Variants in KAZN observed in about 807,000 individuals in gnomAD.
KAZN encodes the protein kazrin, periplakin interacting protein.
Under a neutral mutation model 87.4 loss-of-function variants are expected in KAZN, and 40 were observed. The ratio of observed to expected loss-of-function variants is 0.46; its 90% CI spans 0.36 to 0.60. KAZN has a LOEUF of 0.60. KAZN is among the 20% of genes least tolerant of loss of function. The pLI, the probability that KAZN is intolerant of heterozygous loss-of-function variation, is 0.00. For synonymous variants in KAZN, 466 were observed against 458.3 expected, an observed-to-expected ratio of 1.02 and a Z score of -0.22; for missense variants, 898 against 1,073.9, an observed-to-expected ratio of 0.84 and a Z score of 2.29.
At chr1:14,379,179 C>T (rs962317688) in intron 2 of KAZN, among the ~76,000 whole-genome samples, 14 of 151,204 alleles carry the variant, frequency 9.3e-5, no homozygotes, top group South Asian at 6.3e-4. Flanking sequence ...ATGCAGTCCT[C>T]GTAGGACCCA....
At chr1:14,592,398 G>T (rs1335649262) in intron 2 of KAZN, among the ~76,000 whole-genome samples, 4 of 152,166 alleles carry the variant, frequency 2.6e-5, no homozygotes, top group Non-Finnish European at 5.9e-5. Flanking sequence ...TGGGCATCTG[G>T]GTGTCTGGAC....
At chr1:14,821,163 T>C (rs915008831) in intron 1 of KAZN, among the ~76,000 whole-genome samples, 2 of 152,152 alleles carry the variant, frequency 1.3e-5, no homozygotes, top group Non-Finnish European at 2.9e-5. Flanking sequence ...AGTTGTATCC[T>C]CTTAAAATTC....
At chr1:14,269,426 A>G (rs1651752172) in intron 2 of KAZN, among the ~76,000 whole-genome samples, 1 of 152,190 alleles carries the variant, frequency 6.6e-6, no homozygotes, top group South Asian at 2.1e-4. Context: ...AATATTTTTC[A>G]AAGAAAATAG....
At position 14,678,024 on chromosome 1, in the gene KAZN, G is replaced by A. The variant is rs147399384; in HGVS notation, c.226+78801G>A. The stretch of plus-strand genomic sequence containing the variant: ...CCAGAATTGGGAGTGACTGTCTGGT[G>A]TGGCAGAAGGGACTGAGAGGCAAGG... On this transcript the variant is annotated intron_variant, in intron 1 of 14. Transcript: ENST00000376030. 6.6e-3 allele frequency among the ~76,000 whole-genome samples: 1,000 copies of A among 152,334 alleles called. 9 individuals are homozygous for A. The highest frequency in any genetic ancestry group is 0.023 in the African/African-American group (966 of 41,574).
At chr1:15,101,420 C>T in intron 10 of KAZN, 123 bp from the exon 11 acceptor site, 1 of 673,768 alleles carries the variant, frequency 1.5e-6, no homozygotes, top group Non-Finnish European at 2.6e-6. Flanking sequence ...CTCTGTGGCT[C>T]TCTTGGTCCT....
At chr1:14,762,097 A>G (rs557068695) in intron 1 of KAZN, among the ~76,000 whole-genome samples, 2 of 152,270 alleles carry the variant, frequency 1.3e-5, no homozygotes, top group Admixed American at 1.3e-4. Context: ...CTGTGTCCTC[A>G]GGATGACGGT....
intron 2 of KAZN, among the ~76,000 whole-genome samples, chr1:14,552,308 C>G (rs1197540114): frequency 6.6e-6 from 1 of 152,190 alleles, no homozygotes. Context: ...GCTAGCAGAG[C>G]CTCCCTGCAG....
intron 1 of KAZN, among the ~76,000 whole-genome samples, chr1:14,883,320 G>GACAGAA (rs1342501522): frequency 1.1e-4 from 4 of 37,372 alleles, no homozygotes; most frequent in African/African-American, 2.7e-4. Context: ...AAGAAAGAAA[G>GACAGAA]AGAGAGAGAG....
intron 1 of KAZN, among the ~76,000 whole-genome samples, chr1:14,629,229 A>T (rs1241875336): frequency 1.3e-5 from 2 of 152,216 alleles, no homozygotes; most frequent in African/African-American, 4.8e-5. Flanking sequence ...GTAGTCCCCA[A>T]GAAAGGTGTT....
chr1:14,205,653 G>C (rs1268861991), intron 2 of KAZN, among the ~76,000 whole-genome samples: 3 of 151,922 alleles, frequency 2.0e-5, no homozygotes, highest in Non-Finnish European at 4.4e-5. Context: ...GGGAGGCCGA[G>C]GTGGGCAGAT....
intron 8 of KAZN, among the ~76,000 whole-genome samples, chr1:15,069,003 G>A (rs985339769): frequency 1.1e-4 from 16 of 150,664 alleles, no homozygotes; most frequent in African/African-American, 3.7e-4. Flanking sequence ...TACCCCAGCA[G>A]TTCTCAGCCT....
intron 1 of KAZN, among the ~76,000 whole-genome samples, chr1:14,740,046 A>C (rs970651203): frequency 6.6e-6 from 1 of 152,158 alleles, no homozygotes; most frequent in Non-Finnish European, 1.5e-5. Flanking sequence ...ACCTGGATAC[A>C]TCTGCAGTCA....
At chr1:14,378,170 A>G (rs995298813) in intron 2 of KAZN, among the ~76,000 whole-genome samples, 5 of 152,264 alleles carry the variant, frequency 3.3e-5, no homozygotes, top group Non-Finnish European at 5.9e-5. Flanking sequence ...AAGCAAACAC[A>G]TAAGACGTTT....
intron 1 of KAZN, among the ~76,000 whole-genome samples, chr1:14,032,560 A>C (rs1641373638): frequency 6.6e-6 from 1 of 152,128 alleles, no homozygotes; most frequent in African/African-American, 2.4e-5. Context: ...TGCTGAAATG[A>C]CTGCAGCAGG....
chr1:14,354,294 G>T (rs1481328635), intron 2 of KAZN, among the ~76,000 whole-genome samples: 1 of 152,034 alleles, frequency 6.6e-6, no homozygotes, highest in Admixed American at 6.6e-5. Context: ...AGAGGATGCA[G>T]AAGGATGAAA....
chr1:15,018,706 G>T (rs576139914), intron 2 of KAZN, among the ~76,000 whole-genome samples: 2 of 152,148 alleles, frequency 1.3e-5, no homozygotes, highest in South Asian at 2.1e-4. Context: ...TGACCGAAAG[G>T]GGGTCTGAGA....
intron 2 of KAZN, among the ~76,000 whole-genome samples, chr1:14,256,070 A>T (rs561728882): frequency 5.0e-4 from 76 of 152,300 alleles, no homozygotes; most frequent in African/African-American, 1.8e-3. Context: ...AAATAAAATG[A>T]TTGTTACTCT....
At chr1:14,994,161 T>C (rs1368264150) in intron 2 of KAZN, among the ~76,000 whole-genome samples, 1 of 152,094 alleles carries the variant, frequency 6.6e-6, no homozygotes, top group East Asian at 1.9e-4. Context: ...GTGAATTGGG[T>C]CGGGCCATGG....
chr1:14,608,780 G>A (rs1211065499), intron 1 of KAZN, among the ~76,000 whole-genome samples: 3 of 152,158 alleles, frequency 2.0e-5, no homozygotes, highest in East Asian at 1.9e-4. Context: ...TATCATCTTC[G>A]CAGCCAGGTC....
Sources: gnomAD v4.1 joint callset for allele counts (sites outside exome capture counted in the v4.1 genomes callset) on GRCh38, gnomAD v4.1.1 for gene constraint, MANE v1.5 for transcripts, NCBI Gene and HGNC (gene_info 2026-07-23, HGNC 2026-07-21) for gene names.